FAM20B: variants seen among roughly 807,000 people sequenced by gnomAD.
The protein encoded by FAM20B is glycosaminoglycan xylosylkinase.
Under a neutral mutation model 43.8 loss-of-function variants are expected in FAM20B, and 23 were observed. The ratio of observed to expected loss-of-function variants is 0.53; its 90% CI spans 0.38 to 0.74. The LOEUF (loss-of-function observed/expected upper bound fraction) is 0.74, where lower values mean the gene tolerates loss of function less well. FAM20B is among the 30% of genes least tolerant of loss of function. FAM20B has a pLI of 0.00. For missense variants in FAM20B, 440 were observed against 510.5 expected (o/e 0.86, Z 1.33); for synonymous variants, 178 against 192.4 (o/e 0.93, Z 0.62).
At chr1:179,053,004 A>G (rs950596072) in intron 3 of FAM20B, among the ~76,000 whole-genome samples, 10 of 152,180 alleles carry the variant, frequency 6.6e-5, no homozygotes, top group Non-Finnish European at 1.3e-4. Flanking sequence ...CATTACTGGC[A>G]AAGTTTATCT....
chr1:179,021,180 A>G (rs1184297337), upstream of FAM20B, among the ~76,000 whole-genome samples: 2 of 152,220 alleles, frequency 1.3e-5, no homozygotes, highest in African/African-American at 4.8e-5. Context: ...TCCTTACCAC[A>G]TTATCCATCG....
chr1:179,071,717 TG>T (rs1651930927), intron 7 of FAM20B, among the ~76,000 whole-genome samples, 195 bp from the exon 8 acceptor site: 1 of 152,234 alleles, frequency 6.6e-6, no homozygotes, highest in South Asian at 2.1e-4. Context: ...TATATATCTC[TG>T]ATTAGTTACA....
chr1:179,049,505 T>G (rs1011345358), intron 2 of FAM20B, among the ~76,000 whole-genome samples: 5 of 152,158 alleles, frequency 3.3e-5, no homozygotes, highest in African/African-American at 1.2e-4. Flanking sequence ...AATTTAAATT[T>G]CTCTTATAAG....
intron 4 of FAM20B, among the ~76,000 whole-genome samples, chr1:179,059,235 A>G (rs539206444): frequency 1.3e-5 from 2 of 152,336 alleles, no homozygotes; most frequent in African/African-American, 4.8e-5. Context: ...GCCTCAGCTC[A>G]TGGTACTGAA....
chr1:179,033,379 A>C lies in FAM20B; in HGVS notation c.-134+7281A>C, dbSNP rs571571019. Among the ~76,000 whole-genome samples, 249 of 152,374 alleles carry C rather than the reference A, an allele frequency of 1.6e-3. 1 individual carries two copies. Among genetic ancestry groups the C allele is most frequent in the Non-Finnish European group, 2.9e-3 (199 of 68,040 alleles). On this transcript the variant is annotated intron_variant, in intron 1 of 7. Transcript: ENST00000263733. The stretch of plus-strand genomic sequence containing the variant: ...TAAATATATACAATGAAAACAGAAA[A>C]ATATAAATGACATGTAACTTTTATA...
At chr1:179,025,106 G>A (rs1649699997), upstream of FAM20B, among the ~76,000 whole-genome samples, 1 of 152,170 alleles carries the variant, frequency 6.6e-6, no homozygotes, top group Non-Finnish European at 1.5e-5. Context: ...TGGACACAGT[G>A]GCGGCTCTGT....
At chr1:179,038,505 T>G (rs547635243) in intron 1 of FAM20B, among the ~76,000 whole-genome samples, 1 of 152,276 alleles carries the variant, frequency 6.6e-6, no homozygotes, top group East Asian at 1.9e-4. Flanking sequence ...AGCTGACCCC[T>G]TTGTGCCAGA....
chr1:179,064,050 A>T lies in FAM20B; in HGVS notation c.698A>T (p.Lys233Met). 6.2e-7 allele frequency: 1 copy of T among 1,614,102 alleles called. No individual in the cohort carries two copies. The highest frequency in any genetic ancestry group is 1.1e-5 in the South Asian group (1 of 91,074). The change falls in exon 5 of 8, where the codon AAG becomes ATG. Residue 233 changes from lysine (K) to methionine (M), a missense_variant. Physicochemically the swap from Lys to Met is moderately conservative, Grantham distance 95 (BLOSUM62 -1). Coordinates refer to ENST00000263733, the MANE Select transcript of FAM20B (RefSeq NM_014864.4). ...CTTCCAGATGTGTGGCCTCTGCAGAAGCACCGTCACCCATGGGGCAGGACT... is the reference window on the plus strand; with the variant it reads ...CTTCCAGATGTGTGGCCTCTGCAGATGCACCGTCACCCATGGGGCAGGACT... ...LWLPDVWPLQ[K>M]HRHPWGRTYR...
At chr1:179,031,759 A>G (rs746715912) in intron 1 of FAM20B, among the ~76,000 whole-genome samples, 6 of 151,126 alleles carry the variant, frequency 4.0e-5, no homozygotes, top group Non-Finnish European at 8.9e-5. Context: ...CTCTTAAGTT[A>G]CTCTTAAGGC....
In FAM20B at chr1:179,040,189, C is replaced by T. The variant is rs550484140; in HGVS notation, c.-133-3526C>T. 5.9e-5 allele frequency among the ~76,000 whole-genome samples: 9 copies of T among 152,366 alleles called. No individual in the cohort carries two copies. In the South Asian group the frequency reaches 1.9e-3, roughly 32 times the overall value. On this transcript the variant is annotated intron_variant, in intron 1 of 7. Transcript: ENST00000263733. ...CTCAATCCTTTCCCCACCCTTCCCC[C>T]CTTTCTACTCCACAAAACCGCCACT...
intron 7 of FAM20B, among the ~76,000 whole-genome samples, chr1:179,069,188 C>T (rs1651816213): frequency 6.6e-6 from 1 of 152,108 alleles, no homozygotes; most frequent in Admixed American, 6.6e-5. Flanking sequence ...GGGAGTGTGG[C>T]TAGACAGGTC....
upstream of FAM20B, among the ~76,000 whole-genome samples, chr1:179,024,092 C>A (rs1009295780): frequency 1.3e-5 from 2 of 152,172 alleles, no homozygotes; most frequent in East Asian, 3.9e-4. Flanking sequence ...AAGCCTTTCA[C>A]AGAGAGGCCC....
chr1:179,032,348 A>C (rs1650051974), intron 1 of FAM20B, among the ~76,000 whole-genome samples: 1 of 119,636 alleles, frequency 8.4e-6, no homozygotes, highest in Non-Finnish European at 1.6e-5. Flanking sequence ...TTGAGACAGG[A>C]TCTTGCTCTG....
At chr1:179,061,242 C>G (rs1465851900) in intron 4 of FAM20B, among the ~76,000 whole-genome samples, 1 of 151,934 alleles carries the variant, frequency 6.6e-6, no homozygotes, top group African/African-American at 2.4e-5. Context: ...CTGCTCCCAG[C>G]TAATTTTGTA....
intron 1 of FAM20B, among the ~76,000 whole-genome samples, chr1:179,036,726 A>G (rs1305664172): frequency 6.6e-6 from 1 of 152,196 alleles, no homozygotes; most frequent in Non-Finnish European, 1.5e-5. Context: ...CATTCTAAGG[A>G]GCCAAGATTC....
intron 7 of FAM20B, 37 bp downstream of exon 7, chr1:179,066,896 CCTT>C (rs753196478): frequency 2.9e-5 from 42 of 1,435,814 alleles, no homozygotes; most frequent in Middle Eastern, 1.7e-4. Context: ...GCCTGCATTG[CCTT>C]CTTTTCCAGG....
Position 179,073,507 on chromosome 1 carries a change from G to A in FAM20B, c.*1363G>A, listed in dbSNP as rs1652017365. The A allele has an allele frequency of 6.6e-6, 1 of 152,044 alleles. No individual in the cohort carries two copies. The highest frequency in any genetic ancestry group is 1.5e-5 in the Non-Finnish European group (1 of 68,004). 9.4% of individuals were successfully genotyped at this position (152,044 alleles called of 1,614,324 possible). The stretch of plus-strand genomic sequence containing the variant: ...ATTTTTATATTTTTAGTGGAGACAG[G>A]GTTTCGGGTTTCACCATGTTGGCCA... On this transcript the variant is annotated 3_prime_UTR_variant, in exon 8 of 8. Coordinates refer to ENST00000263733, the MANE Select transcript of FAM20B (RefSeq NM_014864.4).
chr1:179,058,792 C>T (rs1194084284), intron 4 of FAM20B, among the ~76,000 whole-genome samples: 1 of 151,928 alleles, frequency 6.6e-6, no homozygotes, highest in Non-Finnish European at 1.5e-5. Context: ...AAAGCAGGGA[C>T]AGGGAATAGA....
chr1:179,028,311 C>G (rs973917103), intron 1 of FAM20B, among the ~76,000 whole-genome samples: 2 of 152,182 alleles, frequency 1.3e-5, no homozygotes, highest in Non-Finnish European at 2.9e-5. Context: ...TGGTCGGGCG[C>G]GGTGGCTTAT....
Sources: allele counts gnomAD v4.1 joint callset (sites outside exome capture counted in the v4.1 genomes callset), GRCh38; gene constraint gnomAD v4.1.1; transcripts MANE v1.5; gene names NCBI Gene and HGNC (gene_info 2026-07-23, HGNC 2026-07-21).